The following ANK3 variants were observed in gnomAD, a reference collection of about 807,000 sequenced individuals.
ANK3 encodes ankyrin-3.
ANK3 carries 57 observed loss-of-function variants against 370.9 expected under a neutral mutation model. The ratio of observed to expected loss-of-function variants is 0.15; its 90% confidence interval spans 0.12 to 0.19. The LOEUF is 0.19. Among genes scored for constraint, ANK3 ranks in the 10% least tolerant of loss-of-function variants. The pLI is 1.00. For missense variants in ANK3, 4,439 were observed against 5,302.1 expected (o/e 0.84, Z 5.06); for synonymous variants, 1,929 against 1,946.3 (o/e 0.99, Z 0.23).
chr10:60,477,464 C>T (rs188582882), intron 2 of ANK3, among the ~76,000 whole-genome samples: 3 of 149,836 alleles, frequency 2.0e-5, no homozygotes, highest in Non-Finnish European at 4.4e-5. Flanking sequence ...GTTGGGGCTA[C>T]GAAGTACAGG....
intron 23 of ANK3, among the ~76,000 whole-genome samples, chr10:60,146,788 T>A (rs1215628331): frequency 3.9e-5 from 6 of 152,222 alleles, no homozygotes; most frequent in Non-Finnish European, 7.3e-5. Flanking sequence ...CAAAGATTTA[T>A]ATCTCATTCA....
In ANK3 at chr10:60,205,864, G is replaced by T. The variant is rs1232907692; in HGVS notation, c.1221C>A (p.Ala407=). 6.2e-7 allele frequency: 1 copy of T among 1,613,586 alleles called. No homozygotes were observed. The highest frequency in any genetic ancestry group is 2.2e-5 in the East Asian group (1 of 44,894). Residue 407 remains alanine, a synonymous_variant, in exon 11 of 44, where the codon GCC becomes GCA. Transcript: ENST00000280772. ...TTACTTTAATTCGATTCTTCTTGCAGGCAATATGAAGAGGGGTAAAGCCAT... is the reference window on the plus strand; with the variant it reads ...TTACTTTAATTCGATTCTTCTTGCATGCAATATGAAGAGGGGTAAAGCCAT... The part of the protein sequence containing the change: ...ALNGFTPLHI[A]CKKNRIKVME...
intron 27 of ANK3, among the ~76,000 whole-genome samples, chr10:60,106,360 TA>T (rs2092168085): frequency 6.6e-6 from 1 of 152,108 alleles, no homozygotes; most frequent in Admixed American, 6.6e-5. Context: ...GGAAACTTAT[TA>T]AAGTAGACCA....
intron 24 of ANK3, 107 bp from the exon 25 acceptor site, chr10:60,134,480 C>G (rs753393957): frequency 1.3e-6 from 1 of 745,220 alleles, no homozygotes; most frequent in Non-Finnish European, 2.1e-6. Context: ...CTAAAAATAT[C>G]AACAAAAGTT....
At chr10:60,405,250 CA>C (rs1010209465) in intron 2 of ANK3, among the ~76,000 whole-genome samples, 14 of 151,144 alleles carry the variant, frequency 9.3e-5, no homozygotes, top group African/African-American at 2.7e-4. Context: ...TTATTTGGAA[CA>C]AAAAAAATAA....
chr10:60,545,457 T>C (rs1218225318), intron 2 of ANK3, among the ~76,000 whole-genome samples: 2 of 151,906 alleles, frequency 1.3e-5, no homozygotes, highest in Admixed American at 6.6e-5. Context: ...AAAAAATAGT[T>C]CTACAAATAC....
At chr10:60,653,641 G>T (rs2078822629) in intron 1 of ANK3, among the ~76,000 whole-genome samples, 1 of 152,118 alleles carries the variant, frequency 6.6e-6, no homozygotes, top group Non-Finnish European at 1.5e-5. Context: ...AGGACAAGGT[G>T]GGAGGATCCC....
intron 42 of ANK3, chr10:60,043,435 A>T (rs1404568459): frequency 1.0e-6 from 1 of 984,446 alleles, no homozygotes; most frequent in African/African-American, 1.7e-5. Flanking sequence ...TTTTAAATTG[A>T]AAAGGGTAGA....
chr10:60,610,511 A>G (rs1212748477), intron 2 of ANK3, among the ~76,000 whole-genome samples: 1 of 152,074 alleles, frequency 6.6e-6, no homozygotes, highest in African/African-American at 2.4e-5. Flanking sequence ...GGAAAAAAAA[A>G]AAAAATGCTT....
At chr10:60,043,901 GAA>G (rs2076531319) in intron 42 of ANK3, 1 of 985,184 alleles carries the variant, frequency 1.0e-6, no homozygotes, top group Non-Finnish European at 1.2e-6. Flanking sequence ...ATGTAACAAA[GAA>G]TGTTAGGAAG....
intron 1 of ANK3, among the ~76,000 whole-genome samples, chr10:60,641,869 T>C (rs987499512): frequency 4.0e-5 from 6 of 151,274 alleles, no homozygotes; most frequent in East Asian, 1.9e-4. Flanking sequence ...AGAAAATTTT[T>C]GCAACCTACT....
intron 1 of ANK3, among the ~76,000 whole-genome samples, chr10:60,676,419 C>T (rs7091383): frequency 0.67 from 101,873 of 152,036 alleles, 34,304 homozygotes; most frequent in South Asian, 0.83. Context: ...TATATGCTAA[C>T]TGAATTATAA....
At chr10:60,313,444 A>T (rs1013460148) in intron 1 of ANK3, among the ~76,000 whole-genome samples, 1 of 152,186 alleles carries the variant, frequency 6.6e-6, no homozygotes, top group Admixed American at 6.5e-5. Context: ...ACTTCATGAT[A>T]TCATTAGTTT....
chr10:60,659,402 C>A (rs184929366), intron 1 of ANK3, among the ~76,000 whole-genome samples: 4 of 151,996 alleles, frequency 2.6e-5, no homozygotes, highest in Non-Finnish European at 5.9e-5. Flanking sequence ...ATCTGCTCTG[C>A]GACACTTTCC....
intron 25 of ANK3, among the ~76,000 whole-genome samples, chr10:60,119,527 G>A (rs761870340): frequency 1.3e-5 from 2 of 152,200 alleles, no homozygotes; most frequent in Non-Finnish European, 2.9e-5. Context: ...AACACTTTGG[G>A]AGGCTGAGGT....
At chr10:60,113,058 A>G (rs756767538) in intron 26 of ANK3, among the ~76,000 whole-genome samples, 7 of 152,146 alleles carry the variant, frequency 4.6e-5, no homozygotes, top group Non-Finnish European at 7.4e-5. Flanking sequence ...AAGATACACT[A>G]ATTTATTAAT....
chr10:60,253,159 T>G (rs2132612540), intron 7 of ANK3, among the ~76,000 whole-genome samples: 1 of 152,222 alleles, frequency 6.6e-6, no homozygotes, highest in East Asian at 1.9e-4. Flanking sequence ...TACTCTATTG[T>G]GAAAGGGGGA....
At chr10:60,082,315 G>T in intron 34 of ANK3, 139 bp from the exon 35 acceptor site, 1 of 837,358 alleles carries the variant, frequency 1.2e-6, no homozygotes, top group Non-Finnish European at 1.8e-6. Flanking sequence ...TTTAAAAAAA[G>T]CCAACAAAAA....
intron 2 of ANK3, among the ~76,000 whole-genome samples, chr10:60,601,905 T>C (rs551673284): frequency 3.3e-5 from 5 of 152,154 alleles, no homozygotes; most frequent in Non-Finnish European, 7.4e-5. Flanking sequence ...CAATTCTATA[T>C]GCAATAATCT....
Sources: allele counts gnomAD v4.1 joint callset (sites outside exome capture counted in the v4.1 genomes callset), GRCh38; gene constraint gnomAD v4.1.1; transcripts MANE v1.5; gene names NCBI Gene and HGNC (gene_info 2026-07-23, HGNC 2026-07-21).